NTRK2: variants seen among roughly 807,000 people sequenced by gnomAD.
NTRK2 encodes neurotrophic receptor tyrosine kinase 2, also known as BDNF/NT-3 growth factors receptor.
In NTRK2, 13 loss-of-function variants were observed where a neutral mutation model predicts 94.5. That is an observed-to-expected ratio of 0.14 (90% CI 0.09 to 0.22). The LOEUF (loss-of-function observed/expected upper bound fraction) is 0.22. Ranked by LOEUF, NTRK2 falls within the 10% of genes least tolerant of loss-of-function variation. The probability of loss-of-function intolerance (pLI) is 1.00; values close to 1 mark genes in which losing one functional copy is unlikely to be tolerated. For synonymous variants in NTRK2, 372 were observed against 407.4 expected (o/e 0.91, Z 1.05); for missense variants, 639 against 1,071.2 (o/e 0.60, Z 5.63).
intron 14 of NTRK2, among the ~76,000 whole-genome samples, chr9:84,918,031 T>G (rs1158280428): frequency 6.6e-6 from 1 of 152,108 alleles, no homozygotes; most frequent in Non-Finnish European, 1.5e-5. Flanking sequence ...CAATTGAAAT[T>G]TAAAGGGGAA....
chr9:84,891,904 A>G (rs529608184), intron 14 of NTRK2, among the ~76,000 whole-genome samples: 4 of 151,794 alleles, frequency 2.6e-5, no homozygotes, highest in African/African-American at 9.7e-5. Context: ...CTTTACCAGC[A>G]TGTGTCACAC....
At chr9:84,896,279 A>C (rs1343714382) in intron 14 of NTRK2, among the ~76,000 whole-genome samples, 1 of 152,244 alleles carries the variant, frequency 6.6e-6, no homozygotes. Flanking sequence ...GGCACTGTGC[A>C]AGAATGGAAG....
intron 6 of NTRK2, among the ~76,000 whole-genome samples, chr9:84,715,714 G>T (rs1044118514): frequency 1.3e-5 from 2 of 151,978 alleles, no homozygotes; most frequent in Non-Finnish European, 2.9e-5. Flanking sequence ...TTATCATCTC[G>T]TATAAAAAAT....
chr9:84,922,920 T>C (rs1427079242), intron 14 of NTRK2, among the ~76,000 whole-genome samples: 1 of 152,162 alleles, frequency 6.6e-6, no homozygotes, highest in Non-Finnish European at 1.5e-5. Flanking sequence ...CCTTTTAAAA[T>C]AAGAGCTCTC....
At chr9:84,821,626 C>T (rs957681085) in intron 12 of NTRK2, among the ~76,000 whole-genome samples, 1 of 152,174 alleles carries the variant, frequency 6.6e-6, no homozygotes, top group Non-Finnish European at 1.5e-5. Context: ...GGATTTCAAA[C>T]TTGGCAAAAT....
chr9:84,939,179 G>T (rs763870749), intron 15 of NTRK2, among the ~76,000 whole-genome samples: 26 of 151,360 alleles, frequency 1.7e-4, no homozygotes, highest in Admixed American at 4.0e-4. Flanking sequence ...AAACTGTAAA[G>T]ATGATATATA....
At chr9:84,821,482 A>C (rs1017398489) in intron 12 of NTRK2, among the ~76,000 whole-genome samples, 4 of 152,192 alleles carry the variant, frequency 2.6e-5, no homozygotes, top group African/African-American at 9.7e-5. Flanking sequence ...CTTCTTAAAA[A>C]ACTTTCCATG....
chr9:84,796,768 G>A (rs142647504), intron 12 of NTRK2, among the ~76,000 whole-genome samples: 2 of 152,204 alleles, frequency 1.3e-5, no homozygotes, highest in East Asian at 1.9e-4. Context: ...AAACAAGATG[G>A]GTGGTAGGAA....
In NTRK2 at chr9:85,023,494, C is replaced by T. The variant is rs1025411320; in HGVS notation, c.*2057C>T. 11 of 232,320 alleles carry T rather than the reference C, an allele frequency of 4.7e-5. 1 individual carries two copies. Among genetic ancestry groups the T allele is most frequent in the South Asian group, 3.6e-4 (2 of 5,520 alleles). The allele number at this position is 232,320 out of a possible 1,614,324, so 14.4% of individuals were successfully genotyped here. A position where few individuals can be genotyped will look rare whatever the true frequency, so the allele number is the denominator to read the frequency against. ...AAATCCAGTAGCAACTGCAGTCAAG[C>T]GAGGGAGTTGACAAGATAAACCTTA... On this transcript the variant is annotated 3_prime_UTR_variant, in exon 19 of 19. Transcript: ENST00000277120.
intron 17 of NTRK2, among the ~76,000 whole-genome samples, chr9:84,966,244 A>C (rs886580891): frequency 1.3e-5 from 2 of 152,318 alleles, no homozygotes; most frequent in East Asian, 3.9e-4. Context: ...TTCCTACTGC[A>C]TGGGCTCCTA....
chr9:84,891,617 A>G (rs2076597717), intron 14 of NTRK2, among the ~76,000 whole-genome samples: 1 of 152,194 alleles, frequency 6.6e-6, no homozygotes, highest in African/African-American at 2.4e-5. Flanking sequence ...CTGAAAGGTT[A>G]GGTCTTGGGA....
intron 12 of NTRK2, among the ~76,000 whole-genome samples, chr9:84,765,974 G>T (rs541240349): frequency 3.9e-5 from 6 of 152,160 alleles, no homozygotes; most frequent in Non-Finnish European, 7.4e-5. Flanking sequence ...AGACTATTGG[G>T]TAGGACTATC....
At chr9:84,843,421 G>A (rs1219692643) in intron 12 of NTRK2, among the ~76,000 whole-genome samples, 1 of 152,170 alleles carries the variant, frequency 6.6e-6, no homozygotes, top group Non-Finnish European at 1.5e-5. Context: ...GTTAGAGGTG[G>A]CTCCCACTGC....
intron 12 of NTRK2, among the ~76,000 whole-genome samples, chr9:84,770,340 A>C (rs1253320244): frequency 6.6e-6 from 1 of 152,066 alleles, no homozygotes; most frequent in Non-Finnish European, 1.5e-5. Flanking sequence ...TATAATTTAC[A>C]AGTTCTCTGC....
intron 12 of NTRK2, among the ~76,000 whole-genome samples, chr9:84,838,852 T>C (rs2074018926): frequency 6.6e-6 from 1 of 152,222 alleles, no homozygotes; most frequent in African/African-American, 2.4e-5. Flanking sequence ...ACATACCTTC[T>C]GCTTCATTGA....
chr9:84,791,654 G>A lies in NTRK2; in HGVS notation c.1396+39569G>A, dbSNP rs545043884. Among the ~76,000 whole-genome samples the A allele has an allele frequency of 5.3e-5, 8 of 152,198 alleles. No homozygotes were observed. The South Asian group carries it at 8.3e-4, about 16-fold the overall frequency. The stretch of plus-strand genomic sequence containing the variant: ...AGTATTTCTTCTTTATACATTGCTC[G>A]TAGAAGTAATGTTTTGTTATTTATT... On this transcript the variant is annotated intron_variant, in intron 12 of 18. Coordinates refer to ENST00000277120, the MANE Select transcript of NTRK2 (RefSeq NM_006180.6).
intron 14 of NTRK2, among the ~76,000 whole-genome samples, chr9:84,881,934 A>G: frequency 6.6e-6 from 1 of 152,210 alleles, no homozygotes; most frequent in East Asian, 1.9e-4. Context: ...CTGAAGTTTT[A>G]ATGGAAATAT....
At position 84,861,147 on chromosome 9, in the gene NTRK2, GA is replaced by G. The variant is rs2075322063; in HGVS notation, c.1444+64del. 13 of 1,307,336 alleles carry G rather than the reference GA, an allele frequency of 9.9e-6. No individual in the cohort carries two copies. The South Asian group carries it at 1.6e-4, about 16-fold the overall frequency. The allele number at this position is 1,307,336 out of a possible 1,614,324, so 81.0% of individuals were successfully genotyped here. On this transcript the variant is annotated intron_variant, in intron 13 of 18. Coordinates refer to ENST00000277120, the MANE Select transcript of NTRK2 (RefSeq NM_006180.6). ...AATGAGTCTATGTTTTTATTCGGAT[GA>G]AAATGCTTAGACCCTCTTTACATTC...
intron 14 of NTRK2, among the ~76,000 whole-genome samples, chr9:84,894,536 C>G (rs917069201): frequency 2.0e-5 from 3 of 152,176 alleles, no homozygotes; most frequent in Non-Finnish European, 4.4e-5. Flanking sequence ...ACAACCTCCA[C>G]CTAAATATTC....
Sources: allele counts gnomAD v4.1 joint callset (sites outside exome capture counted in the v4.1 genomes callset), GRCh38; gene constraint gnomAD v4.1.1; transcripts MANE v1.5; gene names NCBI Gene and HGNC (gene_info 2026-07-23, HGNC 2026-07-21).